NECTIN2: variants seen among roughly 807,000 people sequenced by gnomAD.
NECTIN2 encodes the protein nectin cell adhesion molecule 2.
NECTIN2 carries 23 observed loss-of-function variants against 56.9 expected under a neutral mutation model. The observed-to-expected ratio is 0.40, with a 90% CI of 0.29 to 0.57. NECTIN2 has a LOEUF of 0.57. Ranked by LOEUF, NECTIN2 falls within the 20% of genes least tolerant of loss-of-function variation. NECTIN2 has a pLI of 0.38. For synonymous variants in NECTIN2, 302 were observed against 313.8 expected, an observed-to-expected ratio of 0.96 and a Z score of 0.40; for missense variants, 587 against 718.3, an observed-to-expected ratio of 0.82 and a Z score of 2.09.
intron 3 of NECTIN2, 50 bp from the exon 4 acceptor site, chr19:44,873,866 C>A (rs1278992179): frequency 8.4e-6 from 12 of 1,423,746 alleles, no homozygotes; most frequent in South Asian, 8.1e-5. Flanking sequence ...ACTTGTCCAC[C>A]CGCTCTGGGA....
intron 8 of NECTIN2, among the ~76,000 whole-genome samples, chr19:44,886,496 G>C (rs751759913): frequency 6.6e-6 from 1 of 151,986 alleles, no homozygotes; most frequent in Non-Finnish European, 1.5e-5. Context: ...CAAGGCAGGA[G>C]GATCACTTGG....
At chr19:44,885,879 CG>C in intron 6 of NECTIN2, 57 bp from the exon 7 acceptor site, 1 of 1,408,466 alleles carries the variant, frequency 7.1e-7, no homozygotes, top group Admixed American at 1.7e-5. Context: ...GCCATAACCC[CG>C]GAGTCAGAGG....
chr19:44,861,660 G>C (rs1040857747), intron 1 of NECTIN2, among the ~76,000 whole-genome samples: 2 of 151,938 alleles, frequency 1.3e-5, no homozygotes, highest in Admixed American at 1.3e-4. Flanking sequence ...AAATTTACAA[G>C]AAAAGAAAAA....
intron 1 of NECTIN2, among the ~76,000 whole-genome samples, chr19:44,858,207 T>C (rs1968990275): frequency 6.6e-6 from 1 of 152,144 alleles, no homozygotes; most frequent in East Asian, 1.9e-4. Flanking sequence ...AGCCTCATTT[T>C]TCCCCCAAGT....
At chr19:44,863,796 T>G (rs898188884) in intron 1 of NECTIN2, among the ~76,000 whole-genome samples, 5 of 149,780 alleles carry the variant, frequency 3.3e-5, no homozygotes, top group African/African-American at 1.2e-4. Context: ...TGACCAAGAT[T>G]GCTCCACTGC....
At chr19:44,885,187 G>T (rs535134554) in intron 6 of NECTIN2, among the ~76,000 whole-genome samples, 267 of 151,404 alleles carry the variant, frequency 1.8e-3, no homozygotes, top group Middle Eastern at 6.8e-3. Flanking sequence ...GTAGGGACAG[G>T]GTTTCTCCAT....
chr19:44,862,328 T>G (rs1370789288), intron 1 of NECTIN2, among the ~76,000 whole-genome samples: 5 of 150,772 alleles, frequency 3.3e-5, no homozygotes, highest in Non-Finnish European at 5.9e-5. Context: ...GGCAGGAGAA[T>G]GGTGTGAACC....
intron 6 of NECTIN2, among the ~76,000 whole-genome samples, chr19:44,883,918 G>A (rs1381703491): frequency 6.6e-6 from 1 of 151,834 alleles, no homozygotes; most frequent in Non-Finnish European, 1.5e-5. Flanking sequence ...TCAGGAGTTC[G>A]AGACCAGCCT....
chr19:44,879,110 C>A (rs1342693488), intron 5 of NECTIN2, among the ~76,000 whole-genome samples: 1 of 152,052 alleles, frequency 6.6e-6, no homozygotes, highest in Non-Finnish European at 1.5e-5. Flanking sequence ...CCACTTGGAT[C>A]CTTGAAAGAC....
intron 6 of NECTIN2, among the ~76,000 whole-genome samples, chr19:44,884,913 A>G (rs1969343038): frequency 6.6e-6 from 1 of 152,192 alleles, no homozygotes; most frequent in African/African-American, 2.4e-5. Flanking sequence ...TCTTTTCACA[A>G]ATATTTACTG....
At chr19:44,886,052 G>A in intron 7 of NECTIN2, 52 bp downstream of exon 7, 1 of 1,570,072 alleles carries the variant, frequency 6.4e-7, no homozygotes. Context: ...ACCCACCCCA[G>A]GGCTGGGAGG....
At chr19:44,864,014 C>CG (rs967312266) in intron 1 of NECTIN2, among the ~76,000 whole-genome samples, 8 of 150,550 alleles carry the variant, frequency 5.3e-5, no homozygotes, top group African/African-American at 2.0e-4. Context: ...CAGAGGATTC[C>CG]CCCCCCCCAA....
rs769165040 is a variant in NECTIN2 at position 44,889,152 on chromosome 19, T to G, written c.*773T>G. Reference sequence around the variant, plus strand: ...TCCCCCTTCCGGGGAAAGTGGGTCATCTGAATTGGGGGTAGCAATTGATAC... The same window carrying G: ...TCCCCCTTCCGGGGAAAGTGGGTCAGCTGAATTGGGGGTAGCAATTGATAC... On this transcript the variant is annotated 3_prime_UTR_variant, in exon 9 of 9. Transcript: ENST00000252483. 6.6e-6 allele frequency: 1 copy of G among 152,292 alleles called. No individual in the cohort carries two copies. The highest frequency in any genetic ancestry group is 1.5e-5 in the Non-Finnish European group (1 of 68,064). The allele number at this position is 152,292 out of a possible 1,614,324, so 9.4% of individuals were successfully genotyped here.
rs1310970139 is a variant in NECTIN2 at position 44,882,377 on chromosome 19, C to T, written c.1196+13C>T. On this transcript the variant is annotated intron_variant, in intron 6 of 8. Transcript: ENST00000252483. The stretch of plus-strand genomic sequence containing the variant: ...AGGAGGACGAAGAGTAAGTGATGGG[C>T]CCTGAGACGGGGATGGGAGAGGGGT... 1.4e-5 allele frequency: 19 copies of T among 1,387,382 alleles called. No homozygotes were observed. The highest frequency in any genetic ancestry group is 1.6e-5 in the Non-Finnish European group (17 of 1,056,272). 85.9% of individuals were successfully genotyped at this position (1,387,382 alleles called of 1,614,324 possible).
intron 1 of NECTIN2, among the ~76,000 whole-genome samples, chr19:44,864,589 G>A (rs1442026747): frequency 6.6e-6 from 1 of 152,100 alleles, no homozygotes; most frequent in Non-Finnish European, 1.5e-5. Context: ...GGGAGGCTGA[G>A]GCAAGCGGAT....
chr19:44,874,249 G>A lies in NECTIN2; in HGVS notation c.894-81G>A. ...CTTAGGTCCCTGGAGCTTGGCTCCTGGTGGGTGTATCTTTAGGGATGAGGC... is the reference window on the plus strand; with the variant it reads ...CTTAGGTCCCTGGAGCTTGGCTCCTAGTGGGTGTATCTTTAGGGATGAGGC... On this transcript the variant is annotated intron_variant, in intron 4 of 8. Coordinates refer to ENST00000252483, the MANE Select transcript of NECTIN2 (RefSeq NM_001042724.2). This position sits in a 1 kb window ranked among gnomAD's most constrained non-coding sequence, Gnocchi z 6.3. 6.6e-7 allele frequency: 1 copy of A among 1,521,768 alleles called. No homozygotes were observed. Among genetic ancestry groups the A allele is most frequent in the Non-Finnish European group, 9.1e-7 (1 of 1,101,876 alleles). 94.3% of individuals were successfully genotyped at this position (1,521,768 alleles called of 1,614,324 possible).
rs1969178334 is a variant in NECTIN2 at position 44,871,875 on chromosome 19, G to A, written c.501G>A (p.Glu167=). 4 of 1,613,300 alleles carry A rather than the reference G, an allele frequency of 2.5e-6. No individual in the cohort carries two copies. The highest frequency in any genetic ancestry group is 3.4e-6 in the Non-Finnish European group (4 of 1,179,316). The change falls in exon 3 of 9, where the codon GAG becomes GAA. Residue 167 remains glutamate (E), a synonymous_variant. Coordinates refer to ENST00000252483, the MANE Select transcript of NECTIN2 (RefSeq NM_001042724.2). ...RVIAKPKNQA[E]AQKVTFSQDP... is the part of the protein sequence containing the mutation. ...CAGCCAAGCCCAAGAACCAAGCTGA[G>A]GCCCAGAAGGTCACGTTCAGCCAGG...
intron 6 of NECTIN2, among the ~76,000 whole-genome samples, chr19:44,884,904 C>G (rs1173611142): frequency 6.6e-6 from 1 of 152,228 alleles, no homozygotes; most frequent in Non-Finnish European, 1.5e-5. Context: ...TTCATTCATT[C>G]TTTTCACAAA....
chr19:44,874,019 C>T lies in NECTIN2; in HGVS notation c.879C>T (p.Gly293=). The T allele has an allele frequency of 6.2e-7, 1 of 1,613,402 alleles. No individual in the cohort carries two copies. The highest frequency in any genetic ancestry group is 1.7e-4 in the Middle Eastern group (1 of 6,060). The change falls in exon 4 of 9, where the codon GGC becomes GGT. Residue 293 remains glycine (G), a synonymous_variant. Coordinates refer to ENST00000252483, the MANE Select transcript of NECTIN2 (RefSeq NM_001042724.2). This position sits in a 1 kb window ranked among gnomAD's most constrained non-coding sequence, Gnocchi z 6.3. ...CDVRSNPEPT[G]YDWSTTSGTF... is the part of the protein sequence containing the mutation. ...TCCGCAGCAACCCAGAGCCCACGGG[C>T]TATGACTGGAGCACGTGAGTCACGT...
Sources: allele counts gnomAD v4.1 joint callset (sites outside exome capture counted in the v4.1 genomes callset), GRCh38; gene constraint gnomAD v4.1.1; non-coding constraint Gnocchi (gnomAD v3.1); transcripts MANE v1.5; gene names NCBI Gene and HGNC (gene_info 2026-07-23, HGNC 2026-07-21).